The following NEK1 variants were observed in gnomAD, a reference collection of about 807,000 sequenced individuals.
NEK1 encodes NIMA related kinase 1, also known as serine/threonine-protein kinase Nek1.
Under a neutral mutation model 182.1 loss-of-function variants are expected in NEK1, and 137 were observed. The observed-to-expected ratio is 0.75, with a 90% CI of 0.65 to 0.87. NEK1 has a LOEUF of 0.87. Among genes scored for constraint, NEK1 ranks in the 40% least tolerant of loss-of-function variants. The pLI is 0.00. For synonymous variants in NEK1, 513 were observed against 492.2 expected, an observed-to-expected ratio of 1.04 and a Z score of -0.56; for missense variants, 1,391 against 1,494.4, an observed-to-expected ratio of 0.93 and a Z score of 1.14.
intron 19 of NEK1, among the ~76,000 whole-genome samples, chr4:169,517,178 C>G (rs370451685): frequency 5.5e-4 from 1 of 1,816 alleles, no homozygotes; most frequent in Non-Finnish European, 7.8e-4. Flanking sequence ...CTTTTATTTC[C>G]TTGAGCAGTG....
chr4:169,478,755 G>C (rs1436479148), intron 24 of NEK1, among the ~76,000 whole-genome samples: 1 of 152,094 alleles, frequency 6.6e-6, no homozygotes, highest in Non-Finnish European at 1.5e-5. Context: ...TTCTCCTCCT[G>C]TCTGTTGAAT....
At chr4:169,549,621 C>A (rs1433817027) in intron 18 of NEK1, among the ~76,000 whole-genome samples, 14 of 152,078 alleles carry the variant, frequency 9.2e-5, no homozygotes, top group Non-Finnish European at 2.1e-4. Context: ...CAGGGTTTTG[C>A]CACGTTGGCC....
At chr4:169,530,967 T>G (rs1757582939) in intron 19 of NEK1, among the ~76,000 whole-genome samples, 1 of 149,846 alleles carries the variant, frequency 6.7e-6, no homozygotes, top group Admixed American at 6.7e-5. Context: ...TCATCTGAGT[T>G]ACTGATATAG....
At chr4:169,401,076 A>AG (rs1289215498) in intron 33 of NEK1, among the ~76,000 whole-genome samples, 4 of 152,190 alleles carry the variant, frequency 2.6e-5, no homozygotes, top group Non-Finnish European at 5.9e-5. Flanking sequence ...ACATTTCAGG[A>AG]AAGCACCTAG....
chr4:169,446,080 G>A (rs1373422154), intron 27 of NEK1, among the ~76,000 whole-genome samples: 1 of 151,864 alleles, frequency 6.6e-6, no homozygotes, highest in African/African-American at 2.4e-5. Context: ...GCTGGAAAGT[G>A]TGGCTGGTTA....
chr4:169,422,767 C>CTTACTTAAGGTCATAAAAGAAAA, intron 31 of NEK1, among the ~76,000 whole-genome samples: 1 of 152,192 alleles, frequency 6.6e-6, no homozygotes, highest in East Asian at 1.9e-4. Context: ...TTCTATAGAA[C>CTTACTTAAGGTCATAAAAGAAAA]TCTTAAGGTC....
At chr4:169,585,318 A>T (rs1037493317) in intron 10 of NEK1, 31 bp downstream of exon 10, 4 of 1,545,242 alleles carry the variant, frequency 2.6e-6, no homozygotes, top group Non-Finnish European at 3.6e-6. Flanking sequence ...ACATAACCCT[A>T]CTGTTTAATT....
Position 169,587,570 on chromosome 4 carries a change from G to C in NEK1, c.595C>G (p.Leu199Val). ...LGCVLYELCT[L>V]KHAFEAGSMK... ...AAACTTCTACTTACAGCATGTTTAAGTGTACACAGCTCATAAAGGACACAC... is the reference window on the plus strand; with the variant it reads ...AAACTTCTACTTACAGCATGTTTAACTGTACACAGCTCATAAAGGACACAC... The change falls in exon 9 of 36, where the codon CTT (leucine) becomes GTT (valine). Residue 199 changes from leucine (L) to valine (V), a missense_variant. Physicochemically the swap from Leu to Val is conservative, Grantham distance 32. Transcript: ENST00000507142. 1 of 1,527,822 alleles carries C rather than the reference G, an allele frequency of 6.5e-7. No individual in the cohort carries two copies. The highest frequency in any genetic ancestry group is 8.8e-7 in the Non-Finnish European group (1 of 1,130,534). 94.6% of individuals were successfully genotyped at this position (1,527,822 alleles called of 1,614,324 possible). A position where few individuals can be genotyped will look rare whatever the true frequency, so the allele number is the denominator to read the frequency against.
intron 6 of NEK1, 30 bp downstream of exon 6, chr4:169,590,696 T>C: frequency 6.7e-7 from 1 of 1,493,324 alleles, no homozygotes; most frequent in South Asian, 1.2e-5. Flanking sequence ...CTTTATCCAT[T>C]CAGAAGTTAT....
At chr4:169,604,398 T>C (rs982779502) in intron 2 of NEK1, among the ~76,000 whole-genome samples, 4 of 152,326 alleles carry the variant, frequency 2.6e-5, no homozygotes, top group East Asian at 1.9e-4. Context: ...GTACAACCTA[T>C]TGGCAATATC....
In NEK1 at chr4:169,483,896, T is replaced by C. The variant is rs1748574640; in HGVS notation, c.2008-4362A>G. On this transcript the variant is annotated intron_variant, in intron 23 of 35. Transcript: ENST00000507142. ...AAAAAAAAAAAAAAGTTACTACAAA[T>C]AACTTTTAAAAATATCTAGAGCTCA... 2.1e-5 allele frequency among the ~76,000 whole-genome samples: 3 copies of C among 144,184 alleles called. No homozygotes were observed. The South Asian group carries it at 6.5e-4, about 31-fold the overall frequency. The allele number at this position is 144,184 out of a possible 152,430, so 94.6% of individuals were successfully genotyped here.
At chr4:169,522,116 C>T (rs1277581956) in intron 19 of NEK1, among the ~76,000 whole-genome samples, 1 of 152,170 alleles carries the variant, frequency 6.6e-6, no homozygotes, top group African/African-American at 2.4e-5. Context: ...TCTTCAAGTT[C>T]ATTGATTCTA....
At chr4:169,407,580 G>A (rs955993070) in intron 31 of NEK1, among the ~76,000 whole-genome samples, 7 of 152,312 alleles carry the variant, frequency 4.6e-5, no homozygotes, top group African/African-American at 7.2e-5. Flanking sequence ...ATGTGAATCC[G>A]TACTGGATAA....
At chr4:169,420,955 T>A (rs1735389249) in intron 31 of NEK1, among the ~76,000 whole-genome samples, 1 of 152,198 alleles carries the variant, frequency 6.6e-6, no homozygotes, top group Admixed American at 6.5e-5. Context: ...TTGACTAACA[T>A]GCTAACTGTA....
At chr4:169,601,702 C>A (rs969341723) in intron 4 of NEK1, among the ~76,000 whole-genome samples, 3 of 151,946 alleles carry the variant, frequency 2.0e-5, no homozygotes, top group Non-Finnish European at 4.4e-5. Flanking sequence ...CTAATAACAG[C>A]CAGTATTAAA....
intron 19 of NEK1, among the ~76,000 whole-genome samples, chr4:169,533,117 AC>A (rs1412985879): frequency 2.0e-5 from 3 of 152,184 alleles, no homozygotes; most frequent in African/African-American, 4.8e-5. Context: ...CATTGGGTCA[AC>A]CCTGCATAAT....
intron 18 of NEK1, 31 bp from the exon 19 acceptor site, chr4:169,537,942 C>T: frequency 6.9e-7 from 1 of 1,455,572 alleles, no homozygotes; most frequent in Admixed American, 2.1e-5. Flanking sequence ...AGTCAGCCAT[C>T]CTGAACAGAA....
intron 16 of NEK1, among the ~76,000 whole-genome samples, chr4:169,556,867 A>G (rs909543322): frequency 1.3e-4 from 20 of 152,182 alleles, no homozygotes; most frequent in Admixed American, 6.5e-5. Context: ...TAAAGTAAAA[A>G]TAATCAATGT....
intron 23 of NEK1, among the ~76,000 whole-genome samples, chr4:169,506,173 A>C (rs1753218450): frequency 6.6e-6 from 1 of 152,012 alleles, no homozygotes; most frequent in Admixed American, 6.5e-5. Flanking sequence ...TAAAAAGGAG[A>C]GTAAAGGGGA....
Sources: allele counts gnomAD v4.1 joint callset (sites outside exome capture counted in the v4.1 genomes callset), GRCh38; gene constraint gnomAD v4.1.1; transcripts MANE v1.5; gene names NCBI Gene and HGNC (gene_info 2026-07-23, HGNC 2026-07-21).